LRRC19: variants seen among roughly 807,000 people sequenced by gnomAD.
LRRC19 encodes the protein leucine rich repeat containing 19.
A neutral mutation model predicts 33.3 loss-of-function variants in LRRC19; 33 were observed. The ratio of observed to expected loss-of-function variants is 0.99; its 90% CI spans 0.75 to 1.33. LRRC19 has a LOEUF of 1.33. Among genes scored for constraint, LRRC19 ranks in the 40% most tolerant of loss-of-function variants. The pLI is 0.00. For missense variants in LRRC19, 463 were observed against 417.3 expected (o/e 1.11, Z -0.95); for synonymous variants, 184 against 152.3 (o/e 1.21, Z -1.53).
At chr9:27,000,874 CCCTACTGATCTAACACTAGG>C (rs1828447365) in intron 1 of LRRC19, among the ~76,000 whole-genome samples, 1 of 152,102 alleles carries the variant, frequency 6.6e-6, no homozygotes, top group Non-Finnish European at 1.5e-5. Context: ...ACTATAATTA[CCCTACTGATCTAACACTAGG>C]CCTTCTTTTT....
At chr9:26,999,773 T>C in intron 1 of LRRC19, 70 bp from the exon 2 acceptor site, 4 of 512,052 alleles carry the variant, frequency 7.8e-6, no homozygotes, top group Admixed American at 9.7e-5. Flanking sequence ...GTTTATTCTT[T>C]TTTTTTTTTT....
chr9:27,001,310 A>G (rs1447830318), intron 1 of LRRC19, among the ~76,000 whole-genome samples: 1 of 151,930 alleles, frequency 6.6e-6, no homozygotes, highest in African/African-American at 2.4e-5. Flanking sequence ...CTTTTTTTTA[A>G]ATGTATACCC....
rs768442606 is a variant in LRRC19, at chr9:26,998,001, A to T, written c.322T>A (p.Ser108Thr). Residue 108 changes from serine (S) to threonine (T), a missense_variant, in exon 3 of 5, where the codon TCC (serine) becomes ACC (threonine). By Grantham distance (58) the Ser-to-Thr change is moderately conservative. Transcript: ENST00000380055. ...SLEILNICRN[S>T]IYVIQQGAFL... ...GCACCCTGTTGAATTACATAGATGG[A>T]GTTTCTACAGATATTTAAAATTTCT... is the stretch of plus-strand genomic sequence containing the variant. 1 of 1,613,934 alleles carries T rather than the reference A, an allele frequency of 6.2e-7. No homozygotes were observed.
At position 26,995,355 on chromosome 9, in the gene LRRC19, C is replaced by G. The variant is rs1381871837; in HGVS notation, c.*166G>C. The G allele has an allele frequency of 1.5e-5, 8 of 544,992 alleles. No individual in the cohort carries two copies. Among genetic ancestry groups the G allele is most frequent in the African/African-American group, 3.8e-5 (2 of 52,944 alleles). 33.8% of individuals were successfully genotyped at this position (544,992 alleles called of 1,614,324 possible). ...GGAGTGTCAGTTACTGTATTTGAACCTGCTTGCTCAATATAATGCAAAGAA... is the reference window on the plus strand; with the variant it reads ...GGAGTGTCAGTTACTGTATTTGAACGTGCTTGCTCAATATAATGCAAAGAA... On this transcript the variant is annotated 3_prime_UTR_variant, in exon 5 of 5. Coordinates refer to ENST00000380055, the MANE Select transcript of LRRC19 (RefSeq NM_022901.3).
Position 26,997,821 on chromosome 9 carries a change from G to A in LRRC19, c.502C>T (p.Leu168=). Residue 168 remains leucine (L), a synonymous_variant, in exon 3 of 5, where the codon CTG becomes TTG. Coordinates refer to ENST00000380055, the MANE Select transcript of LRRC19 (RefSeq NM_022901.3). ...TTTCCATATAAAGTTATTAATTCCAGATGAAATAGTGGTGGTACATCCAAA... is the reference window on the plus strand; with the variant it reads ...TTTCCATATAAAGTTATTAATTCCAAATGAAATAGTGGTGGTACATCCAAA... The part of the protein sequence containing the change: ...SYLDVPPLFH[L]ELITLYGNLW... 1 of 1,614,172 alleles carries A rather than the reference G, an allele frequency of 6.2e-7. No homozygotes were observed. Among genetic ancestry groups the A allele is most frequent in the Non-Finnish European group, 8.5e-7 (1 of 1,180,028 alleles).
At chr9:26,995,877 A>T in intron 4 of LRRC19, 28 bp from the exon 5 acceptor site, 1 of 1,521,040 alleles carries the variant, frequency 6.6e-7, no homozygotes. Flanking sequence ...GAGAGGAGAG[A>T]GAAAGAAAAT....
chr9:26,996,521 G>C (rs748404886), intron 3 of LRRC19, 22 bp from the exon 4 acceptor site: 3 of 1,364,866 alleles, frequency 2.2e-6, no homozygotes, highest in Non-Finnish European at 2.9e-6. Flanking sequence ...GAAAGAATAA[G>C]ATTTAGTATA....
In LRRC19 at chr9:26,999,597, T is replaced by C. The variant is rs1343435757; in HGVS notation, c.81+17A>G. 2.6e-6 allele frequency: 4 copies of C among 1,521,800 alleles called. No individual in the cohort carries two copies. The highest frequency in any genetic ancestry group is 3.6e-6 in the Non-Finnish European group (4 of 1,108,302). The allele number at this position is 1,521,800 out of a possible 1,614,324, so 94.3% of individuals were successfully genotyped here. On this transcript the variant is annotated intron_variant, in intron 2 of 4. Transcript: ENST00000380055. ...ACCTTTGAAAATATTTTTACTATTT[T>C]GATTGTAAAAACTTACTCTTTTAGA...
intron 1 of LRRC19, among the ~76,000 whole-genome samples, chr9:27,003,927 G>A (rs760691647): frequency 2.6e-5 from 4 of 152,256 alleles, no homozygotes; most frequent in East Asian, 3.9e-4. Context: ...TCCTTCAATG[G>A]CTTGTTTCAG....
chr9:26,996,616 A>G (rs1273925101), intron 3 of LRRC19, 117 bp from the exon 4 acceptor site: 1 of 620,980 alleles, frequency 1.6e-6, no homozygotes, highest in Non-Finnish European at 2.4e-6. Flanking sequence ...CATTATAAGA[A>G]ATTCCTGTTG....
Position 26,996,490 on chromosome 9 carries a change from T to G in LRRC19, c.605A>C (p.Asn202Thr), listed in dbSNP as rs140329742. The G allele has an allele frequency of 4.3e-5, 62 of 1,440,792 alleles. No individual in the cohort carries two copies. In the African/African-American group the frequency reaches 7.3e-4, roughly 17 times the overall value. The allele number at this position is 1,440,792 out of a possible 1,614,324, so 89.3% of individuals were successfully genotyped here. The change falls in exon 4 of 5, where the codon AAC becomes ACC. Residue 202 changes from asparagine (N) to threonine (T), a missense_variant. Coordinates refer to ENST00000380055, the MANE Select transcript of LRRC19 (RefSeq NM_022901.3). ...GTTGGGGTAGCTACACATGGTGATG[T>G]TCTCATTTTCTAGTAAATCAGAAAG... ...NTSNVTLENENITMCSYPNSL... is the reference protein window; with the variant it reads ...NTSNVTLENETITMCSYPNSL...
chr9:26,999,967 C>G (rs557666534), intron 1 of LRRC19, among the ~76,000 whole-genome samples: 1 of 152,020 alleles, frequency 6.6e-6, no homozygotes, highest in African/African-American at 2.4e-5. Context: ...GATGGGGTCA[C>G]CATGTGTTAC....
chr9:26,995,249 T>G lies in LRRC19; in HGVS notation c.*272A>C, dbSNP rs115393375. The G allele has an allele frequency of 4.6e-3, 1,074 of 235,784 alleles. 13 individuals are homozygous for G. Among genetic ancestry groups the G allele is most frequent in the African/African-American group, 0.022 (1,000 of 45,112 alleles). The allele number at this position is 235,784 out of a possible 1,614,324, so 14.6% of individuals were successfully genotyped here. On this transcript the variant is annotated 3_prime_UTR_variant, in exon 5 of 5. Coordinates refer to ENST00000380055, the MANE Select transcript of LRRC19 (RefSeq NM_022901.3). ...TTAATTCATGAATAATTTAGACCTT[T>G]TTACTAGTTCGTATGGTCACCCAAG...
At chr9:27,002,695 T>C (rs989616661) in intron 1 of LRRC19, among the ~76,000 whole-genome samples, 1 of 152,236 alleles carries the variant, frequency 6.6e-6, no homozygotes, top group Non-Finnish European at 1.5e-5. Context: ...ACTATAGCTT[T>C]GTAGAAAATT....
Position 26,998,157 on chromosome 9 carries a change from A to G in LRRC19, c.166T>C (p.Tyr56His), listed in dbSNP as rs201512641. 51 of 1,603,282 alleles carry G rather than the reference A, an allele frequency of 3.2e-5. No homozygotes were observed. In the African/African-American group the frequency reaches 5.2e-4, roughly 16 times the overall value. ...KKDVTILDLS[Y>H]NQITLNGTDT... ...GTACCATTAAGAGTAATTTGGTTAT[A>G]ACTGAGATCAAGTATAGTAACATCT... Residue 56 changes from tyrosine to histidine, a missense_variant, in exon 3 of 5, where the codon TAT becomes CAT. By Grantham distance (83) the Tyr-to-His change is moderately conservative. Transcript: ENST00000380055.
chr9:26,998,260 GA>G lies in LRRC19; in HGVS notation c.82-20del. On this transcript the variant is annotated intron_variant, in intron 2 of 4. Transcript: ENST00000380055. ...GGACTTCCTAGAAAAACAAAAAAAAGAAAGGCATTAATCAGAAAAAAAATTA... is the reference window on the plus strand; with the variant it reads ...GGACTTCCTAGAAAAACAAAAAAAAGAAGGCATTAATCAGAAAAAAAATTA... The G allele has an allele frequency of 7.5e-7, 1 of 1,339,984 alleles. No homozygotes were observed. Among genetic ancestry groups the G allele is most frequent in the Non-Finnish European group, 1.0e-6 (1 of 1,001,522 alleles). 83.0% of individuals were successfully genotyped at this position (1,339,984 alleles called of 1,614,324 possible).
chr9:26,996,309 A>G lies in LRRC19; in HGVS notation c.784+2T>C. The stretch of plus-strand genomic sequence containing the variant: ...TGTTAATATATAGAACCAGTATATT[A>G]CCTGAATTTCTTGTTAAGTTGTTCG... On this transcript the variant is annotated splice_donor_variant, in intron 4 of 4. Transcript: ENST00000380055. LOFTEE classifies it high-confidence loss of function. 7 of 1,560,686 alleles carry G rather than the reference A, an allele frequency of 4.5e-6. No individual in the cohort carries two copies. The Admixed American group carries it at 6.9e-5, about 15-fold the overall frequency.
chr9:27,003,310 G>A (rs529424607), intron 1 of LRRC19, among the ~76,000 whole-genome samples: 45 of 152,114 alleles, frequency 3.0e-4, no homozygotes, highest in African/African-American at 7.2e-4. Flanking sequence ...ATCACCTGAG[G>A]TCAGGAGTTT....
At position 26,999,654 on chromosome 9, in the gene LRRC19, G is replaced by C; in HGVS notation, c.41C>G (p.Ser14Cys). ...TGITILFWPLSMILLSDKIQS... is the reference protein window; with the variant it reads ...TGITILFWPLCMILLSDKIQS... ...GATTTTGTCTGATAATAATATCATG[G>C]AGAGGGGCCAAAAGAGGATTGTGAT... The change falls in exon 2 of 5, where the codon TCC becomes TGC. Residue 14 changes from serine to cysteine, a missense_variant. Transcript: ENST00000380055. 1 of 1,610,098 alleles carries C rather than the reference G, an allele frequency of 6.2e-7. No individual in the cohort carries two copies. The highest frequency in any genetic ancestry group is 8.5e-7 in the Non-Finnish European group (1 of 1,178,288).
Sources: gnomAD v4.1 joint callset for allele counts (sites outside exome capture counted in the v4.1 genomes callset) on GRCh38, gnomAD v4.1.1 for gene constraint, MANE v1.5 for transcripts, NCBI Gene and HGNC (gene_info 2026-07-23, HGNC 2026-07-21) for gene names.